The following LCK variants were observed in gnomAD, a reference collection of about 807,000 sequenced individuals.
LCK encodes LCK proto-oncogene, Src family tyrosine kinase.
LCK carries 14 observed loss-of-function variants against 64.6 expected under a neutral mutation model. The observed-to-expected ratio is 0.22, with a 90% CI of 0.14 to 0.34. LCK has a LOEUF of 0.34. LCK is among the 10% of genes least tolerant of loss of function. LCK has a pLI of 1.00. For synonymous variants in LCK, 277 were observed against 263.6 expected (o/e 1.05, Z -0.49); for missense variants, 434 against 668.1 (o/e 0.65, Z 3.86).
chr1:32,283,962 C>A (rs1640536201), intron 12 of LCK, among the ~76,000 whole-genome samples: 1 of 151,930 alleles, frequency 6.6e-6, no homozygotes, highest in Admixed American at 6.6e-5. Flanking sequence ...CTCACTGCAA[C>A]CTCTACCTCC....
intron 1 of LCK, among the ~76,000 whole-genome samples, chr1:32,257,487 C>T (rs1223380756): frequency 1.3e-5 from 2 of 152,046 alleles, no homozygotes; most frequent in South Asian, 2.1e-4. Context: ...CCTGGGCTCA[C>T]GTATCTGTCT....
intron 1 of LCK, among the ~76,000 whole-genome samples, chr1:32,265,617 G>C (rs1205394112): frequency 6.6e-6 from 1 of 152,162 alleles, no homozygotes; most frequent in Non-Finnish European, 1.5e-5. Flanking sequence ...TTCTGGCCCA[G>C]ATTCAGTCCA....
intron 1 of LCK, 183 bp from the exon 2 acceptor site, chr1:32,274,142 A>C (rs1640183517): frequency 8.3e-6 from 11 of 1,318,044 alleles, no homozygotes; most frequent in Non-Finnish European, 1.0e-5. Flanking sequence ...GAGGGCTCAG[A>C]GGGAGCACCG....
In LCK at chr1:32,276,340, C is replaced by G; in HGVS notation, c.635C>G (p.Ala212Gly). The change falls in exon 8 of 13, where the codon GCT becomes GGT. Residue 212 changes from alanine (A) to glycine (G), a missense_variant. Physicochemically the swap from Ala to Gly is moderately conservative, Grantham distance 60 (BLOSUM62 0). Transcript: ENST00000336890. This position sits in a 1 kb window ranked among gnomAD's most constrained non-coding sequence, Gnocchi z 4.6. ...CACCCCTCCCTCGTCCTCGCAGATG[C>G]TTCAGATGGGCTGTGCACACGGTTG... Reference protein sequence around the residue: ...LHELVRHYTNASDGLCTRLSR... With the variant: ...LHELVRHYTNGSDGLCTRLSR... The G allele has an allele frequency of 6.3e-7, 1 of 1,586,714 alleles. No individual in the cohort carries two copies. Among genetic ancestry groups the G allele is most frequent in the Non-Finnish European group, 8.6e-7 (1 of 1,169,414 alleles).
chr1:32,256,402 G>A (rs1302576734), intron 1 of LCK, among the ~76,000 whole-genome samples: 1 of 152,092 alleles, frequency 6.6e-6, no homozygotes, highest in African/African-American at 2.4e-5. Context: ...TTTGAAACCA[G>A]CCTGGCCAAC....
At position 32,251,926 on chromosome 1, in the gene LCK, G is replaced by C. The variant is rs1027904267; in HGVS notation, c.-6+555G>C. 7.2e-4 allele frequency among the ~76,000 whole-genome samples: 109 copies of C among 151,620 alleles called. No homozygotes were observed. Among genetic ancestry groups the C allele is most frequent in the African/African-American group, 2.6e-3 (108 of 41,042 alleles). On this transcript the variant is annotated intron_variant, in intron 1 of 12. Coordinates refer to ENST00000336890, the MANE Select transcript of LCK (RefSeq NM_005356.5). The surrounding 1 kb of genome is among the most constrained non-coding windows in gnomAD (Gnocchi z 4.0). ...AGAGAGAGAGAGAGAGAGAGAGAGA[G>C]AGAGAGAGAGACAGAGATCACCCAA...
In LCK at chr1:32,251,781, G is replaced by A. The variant is rs551026082; in HGVS notation, c.-6+410G>A. Among the ~76,000 whole-genome samples, 1 of 152,250 alleles carries A rather than the reference G, an allele frequency of 6.6e-6. No homozygotes were observed. Among genetic ancestry groups the A allele is most frequent in the African/African-American group, 2.4e-5 (1 of 41,564 alleles). On this transcript the variant is annotated intron_variant, in intron 1 of 12. Coordinates refer to ENST00000336890, the MANE Select transcript of LCK (RefSeq NM_005356.5). This position sits in a 1 kb window ranked among gnomAD's most constrained non-coding sequence, Gnocchi z 4.0. ...GGCAGTGGCAGGGCTGAGAGTGATG[G>A]CTGAGGCTGTGGCCACCCCGCCTGG...
chr1:32,259,644 T>A lies in LCK; in HGVS notation c.-6+8273T>A, dbSNP rs1378944356. On this transcript the variant is annotated intron_variant, in intron 1 of 12. Coordinates refer to ENST00000336890, the MANE Select transcript of LCK (RefSeq NM_005356.5). The stretch of plus-strand genomic sequence containing the variant: ...AAAAAAATAAAAATAATAATAATAA[T>A]AATAATGATAATAATAATAGCCAGG... Among the ~76,000 whole-genome samples, 370 of 150,004 alleles carry A rather than the reference T, an allele frequency of 2.5e-3. 1 individual carries two copies. Among genetic ancestry groups the A allele is most frequent in the African/African-American group, 8.9e-3 (363 of 40,842 alleles).
At position 32,274,306 on chromosome 1, in the gene LCK, C is replaced by T. The variant is rs773821615; in HGVS notation, c.-5-19C>T. The T allele has an allele frequency of 1.9e-6, 3 of 1,613,862 alleles. No individual in the cohort carries two copies. Among genetic ancestry groups the T allele is most frequent in the African/African-American group, 1.3e-5 (1 of 74,920 alleles). Reference sequence around the variant, plus strand: ...AGATCTTGGGGGAGCCCCTTCAGCCCCCTCTTCCATTCCCTCAGGGACCAT... The same window carrying T: ...AGATCTTGGGGGAGCCCCTTCAGCCTCCTCTTCCATTCCCTCAGGGACCAT... On this transcript the variant is annotated intron_variant, in intron 1 of 12. Transcript: ENST00000336890.
At chr1:32,252,851 G>T (rs191776577) in intron 1 of LCK, among the ~76,000 whole-genome samples, 1 of 152,296 alleles carries the variant, frequency 6.6e-6, no homozygotes, top group Admixed American at 6.5e-5. Flanking sequence ...GAGTGCGTAG[G>T]ACATGAAGCC....
At chr1:32,253,094 G>A (rs896747249) in intron 1 of LCK, among the ~76,000 whole-genome samples, 13 of 152,148 alleles carry the variant, frequency 8.5e-5, no homozygotes, top group South Asian at 2.1e-4. Context: ...AGCTGGGCAC[G>A]GTGGCTCACA....
At chr1:32,284,562 G>T (rs1458129714) in intron 12 of LCK, among the ~76,000 whole-genome samples, 2 of 151,548 alleles carry the variant, frequency 1.3e-5, no homozygotes, top group Non-Finnish European at 2.9e-5. Context: ...TAAAGATGGG[G>T]TTTTGCCATG....
At position 32,279,871 on chromosome 1, in the gene LCK, C is replaced by G. The variant is rs1041748687; in HGVS notation, c.1072C>G (p.Arg358Gly). 5.0e-6 allele frequency: 8 copies of G among 1,614,068 alleles called. No individual in the cohort carries two copies. Among genetic ancestry groups the G allele is most frequent in the Non-Finnish European group, 6.8e-6 (8 of 1,180,042 alleles). Residue 358 changes from arginine to glycine, a missense_variant, in exon 11 of 13, where the codon CGG (arginine) becomes GGG (glycine). Physicochemically the swap from Arg to Gly is moderately radical, Grantham distance 125 (BLOSUM62 -2). This residue lies in a region of LCK where 201 missense variants were observed against 376.9 expected (regional missense o/e 0.53). Coordinates refer to ENST00000336890, the MANE Select transcript of LCK (RefSeq NM_005356.5). ...IAEGMAFIEE[R>G]NYIHRDLRAA... Reference sequence around the variant, plus strand: ...AGAAGGCATGGCATTCATTGAAGAGCGGAATTATATTCATCGTGACCTTCG... The same window carrying G: ...AGAAGGCATGGCATTCATTGAAGAGGGGAATTATATTCATCGTGACCTTCG...
intron 1 of LCK, among the ~76,000 whole-genome samples, chr1:32,260,296 C>G (rs1639735093): frequency 6.6e-6 from 1 of 152,160 alleles, no homozygotes; most frequent in Non-Finnish European, 1.5e-5. Flanking sequence ...CAGGTGTGAA[C>G]CACTGCGCCT....
Position 32,276,620 on chromosome 1 carries a change from G to A in LCK, c.798G>A (p.Gly266=). The A allele has an allele frequency of 1.2e-6, 2 of 1,611,804 alleles. No individual in the cohort carries two copies. The highest frequency in any genetic ancestry group is 1.7e-6 in the Non-Finnish European group (2 of 1,178,714). The change falls in exon 9 of 13, where the codon GGG becomes GGA. Residue 266 remains glycine (G), a synonymous_variant. Coordinates refer to ENST00000336890, the MANE Select transcript of LCK (RefSeq NM_005356.5). This position sits in a 1 kb window ranked among gnomAD's most constrained non-coding sequence, Gnocchi z 4.6. ...TCCCCGACCCAGGGTACTACAACGG[G>A]CACACGAAGGTGGCGGTGAAGAGCC... ...FGEVWMGYYN[G]HTKVAVKSLK... is the part of the protein sequence containing the mutation.
intron 9 of LCK, chr1:32,277,018 T>C: frequency 3.0e-6 from 1 of 331,970 alleles, no homozygotes. Context: ...GAGACCAGCC[T>C]GACCAATATG....
intron 2 of LCK, 93 bp from the exon 3 acceptor site, chr1:32,274,644 C>A (rs1214052568): frequency 1.6e-5 from 18 of 1,107,456 alleles, no homozygotes; most frequent in Non-Finnish European, 2.1e-5. Context: ...TCTAACCAGG[C>A]TGGAGAGGCT....
chr1:32,266,263 C>G (rs962089494), intron 1 of LCK, among the ~76,000 whole-genome samples: 1 of 151,608 alleles, frequency 6.6e-6, no homozygotes, highest in Non-Finnish European at 1.5e-5. Context: ...GAGGCTGAGG[C>G]GGGCAAATCA....
At chr1:32,252,245 G>A (rs1164172587) in intron 1 of LCK, among the ~76,000 whole-genome samples, 4 of 152,164 alleles carry the variant, frequency 2.6e-5, no homozygotes, top group Non-Finnish European at 5.9e-5. Flanking sequence ...CGTCACAGCA[G>A]GATGTCCTCC....
Sources: allele counts gnomAD v4.1 joint callset (sites outside exome capture counted in the v4.1 genomes callset), GRCh38; gene constraint gnomAD v4.1.1; regional missense constraint gnomAD v4.1.1; non-coding constraint Gnocchi (gnomAD v3.1); transcripts MANE v1.5; gene names NCBI Gene and HGNC (gene_info 2026-07-23, HGNC 2026-07-21).